The following TYW1B variants were observed in gnomAD, a reference collection of about 807,000 sequenced individuals.
TYW1B encodes the protein S-adenosyl-L-methionine-dependent tRNA 4-demethylwyosine synthase TYW1B.
A neutral mutation model predicts 86.9 loss-of-function variants in TYW1B; 73 were observed. That is an observed-to-expected ratio of 0.84 (90% CI 0.70 to 1.02). The LOEUF (loss-of-function observed/expected upper bound fraction) is 1.02. Ranked by LOEUF, TYW1B falls within the 50% of genes least tolerant of loss-of-function variation. TYW1B has a pLI of 0.00. For missense variants in TYW1B, 637 were observed against 827.4 expected (o/e 0.77, Z 2.82); for synonymous variants, 248 against 292.8 (o/e 0.85, Z 1.56).
intron 13 of TYW1B, among the ~76,000 whole-genome samples, chr7:72,578,983 A>G (rs1811086743): frequency 6.6e-6 from 1 of 152,032 alleles, no homozygotes. Flanking sequence ...TCAAACTCTA[A>G]CATAATTATT....
intron 11 of TYW1B, among the ~76,000 whole-genome samples, chr7:72,655,990 T>C (rs1169730921): frequency 6.6e-6 from 1 of 152,172 alleles, no homozygotes; most frequent in Non-Finnish European, 1.5e-5. Flanking sequence ...GCCACCACTA[T>C]TGCATGAGCA....
intron 13 of TYW1B, among the ~76,000 whole-genome samples, chr7:72,612,072 T>A (rs1329577574): frequency 2.0e-5 from 3 of 152,128 alleles, no homozygotes; most frequent in Non-Finnish European, 4.4e-5. Flanking sequence ...TCTCGATGGG[T>A]TCTCGCTCTG....
intron 10 of TYW1B, among the ~76,000 whole-genome samples, chr7:72,700,848 C>G (rs781967053): frequency 1.3e-4 from 20 of 152,246 alleles, no homozygotes; most frequent in East Asian, 9.6e-4. Context: ...GGGCAGATCA[C>G]TTGAGGTCAG....
At position 72,574,983 on chromosome 7, in the gene TYW1B, C is replaced by T; in HGVS notation, c.*515G>A. ...TTTAAAAAATAATTGAGAGTTGTGA[C>T]AACTTCGATTCTTTTCAGGAGGTGC... On this transcript the variant is annotated 3_prime_UTR_variant, in exon 14 of 14. Coordinates refer to ENST00000620995, the MANE Select transcript of TYW1B (RefSeq NM_001145440.3). The T allele has an allele frequency of 1.0e-6, 1 of 987,976 alleles. No individual in the cohort carries two copies. Among genetic ancestry groups the T allele is most frequent in the Non-Finnish European group, 1.2e-6 (1 of 831,542 alleles). The allele number at this position is 987,976 out of a possible 1,614,324, so 61.2% of individuals were successfully genotyped here.
chr7:72,763,568 CA>C (rs1457152646), intron 7 of TYW1B, among the ~76,000 whole-genome samples: 4 of 152,138 alleles, frequency 2.6e-5, no homozygotes, highest in African/African-American at 9.7e-5. Flanking sequence ...AGGCGTAAGC[CA>C]CCACACCCTG....
At chr7:72,677,085 T>C (rs1214406118) in intron 11 of TYW1B, among the ~76,000 whole-genome samples, 1 of 152,154 alleles carries the variant, frequency 6.6e-6, no homozygotes, top group Non-Finnish European at 1.5e-5. Flanking sequence ...ATACTAAAAA[T>C]CATACTTTAG....
chr7:72,791,537 G>A (rs1199754440), intron 6 of TYW1B, among the ~76,000 whole-genome samples: 3 of 152,160 alleles, frequency 2.0e-5, no homozygotes, highest in Non-Finnish European at 4.4e-5. Flanking sequence ...CAGCACTTTG[G>A]GAGGCCAAGG....
chr7:72,762,741 C>T (rs141281379), intron 7 of TYW1B, among the ~76,000 whole-genome samples: 1,701 of 152,220 alleles, frequency 0.011, 9 homozygotes, highest in Middle Eastern at 0.024. Context: ...CTCACTGCAA[C>T]CTCCGCCTCC....
intron 7 of TYW1B, among the ~76,000 whole-genome samples, chr7:72,745,592 C>G (rs1787379509): frequency 6.6e-6 from 1 of 151,654 alleles, no homozygotes; most frequent in South Asian, 2.1e-4. Flanking sequence ...GATTTCAGTA[C>G]AAGTGAAAGC....
chr7:72,810,691 T>G, intron 3 of TYW1B, 26 bp from the exon 4 acceptor site: 1 of 1,580,780 alleles, frequency 6.3e-7, no homozygotes. Flanking sequence ...ATTGTTTCAG[T>G]GGAACATACA....
rs782708042 is a variant in TYW1B at position 72,744,486 on chromosome 7, C to A, written c.1080G>T (p.Trp360Cys). 1.5e-5 allele frequency: 24 copies of A among 1,613,424 alleles called. No individual in the cohort carries two copies. Among genetic ancestry groups the A allele is most frequent in the Non-Finnish European group, 1.9e-5 (23 of 1,179,530 alleles). The change falls in exon 8 of 14, where the codon TGG (tryptophan) becomes TGT (cysteine). Residue 360 changes from tryptophan to cysteine, a missense_variant and splice_region_variant. By Grantham distance (215) the Trp-to-Cys change is radical. Transcript: ENST00000620995. ...LACANKCVFC[W>C]WHHNNPVGTE... is the part of the protein sequence containing the mutation. Reference sequence around the variant, plus strand: ...CATGACCTTTCATTTTTACTTACCACCAACAGAAGACACATTTATTAGCAC... The same window carrying A: ...CATGACCTTTCATTTTTACTTACCAACAACAGAAGACACATTTATTAGCAC...
intron 13 of TYW1B, among the ~76,000 whole-genome samples, chr7:72,587,158 A>C (rs1190315671): frequency 1.3e-5 from 2 of 152,084 alleles, no homozygotes; most frequent in African/African-American, 4.8e-5. Flanking sequence ...CTCAAAATTA[A>C]TGTTAACTGC....
At chr7:72,735,071 C>CTA (rs1378455571) in intron 8 of TYW1B, among the ~76,000 whole-genome samples, 3 of 152,104 alleles carry the variant, frequency 2.0e-5, no homozygotes, top group African/African-American at 7.2e-5. Context: ...AAAGCTAGAA[C>CTA]TACCATATGA....
At chr7:72,747,241 A>G (rs1266019513) in intron 7 of TYW1B, among the ~76,000 whole-genome samples, 13 of 152,182 alleles carry the variant, frequency 8.5e-5, no homozygotes, top group African/African-American at 1.9e-4. Flanking sequence ...GTGATAGTGA[A>G]TAAGTCTCAA....
chr7:72,591,831 T>C (rs1398712824), intron 13 of TYW1B, among the ~76,000 whole-genome samples: 1 of 151,812 alleles, frequency 6.6e-6, no homozygotes, highest in Admixed American at 6.6e-5. Flanking sequence ...TTTATTTTTA[T>C]TTTTTTGAGA....
chr7:72,656,234 T>C (rs1554443597), intron 11 of TYW1B, among the ~76,000 whole-genome samples: 1 of 151,916 alleles, frequency 6.6e-6, no homozygotes, highest in South Asian at 2.1e-4. Flanking sequence ...CAAAAAGTCA[T>C]AAAAAGACTA....
chr7:72,744,989 AGGATGGGTAAGGGAATGCATCCT>A (rs1285637978), intron 7 of TYW1B, among the ~76,000 whole-genome samples: 2 of 152,198 alleles, frequency 1.3e-5, no homozygotes. Flanking sequence ...TGAGTAAAGA[AGGATGGGTAAGGGAATGCATCCT>A]GGAGTGTCGT....
chr7:72,610,065 A>G (rs1327653236), intron 13 of TYW1B, among the ~76,000 whole-genome samples: 3 of 152,160 alleles, frequency 2.0e-5, no homozygotes, highest in Admixed American at 1.3e-4. Flanking sequence ...CCCAGTTTCA[A>G]CGTTAGGCTG....
intron 13 of TYW1B, among the ~76,000 whole-genome samples, chr7:72,583,204 A>C (rs1554429850): frequency 6.6e-6 from 1 of 152,094 alleles, no homozygotes; most frequent in African/African-American, 2.4e-5. Flanking sequence ...CTCTACTAAA[A>C]ATACAAAAAC....
Sources: allele counts gnomAD v4.1 joint callset (sites outside exome capture counted in the v4.1 genomes callset), GRCh38; gene constraint gnomAD v4.1.1; transcripts MANE v1.5; gene names NCBI Gene and HGNC (gene_info 2026-07-23, HGNC 2026-07-21).